Variants in ZNF227 observed in about 807,000 individuals in gnomAD.
The protein encoded by ZNF227 is zinc finger protein 227.
Under a neutral mutation model 13.2 loss-of-function variants are expected in ZNF227, and 12 were observed. The observed-to-expected ratio is 0.91, with a 90% CI of 0.58 to 1.47. ZNF227 has a LOEUF of 1.47. Among genes scored for constraint, ZNF227 ranks in the 40% most tolerant of loss-of-function variants. ZNF227 has a pLI of 0.00. For missense variants in ZNF227, 885 were observed against 967.5 expected, an observed-to-expected ratio of 0.91 and a Z score of 1.13; for synonymous variants, 338 against 326.0, an observed-to-expected ratio of 1.04 and a Z score of -0.40.
Position 44,217,862 on chromosome 19 carries a change from G to A in ZNF227, c.60+10G>A. ...AATGACCAAGTTTCAGGTACGTAAA[G>A]GATTCCTTGCTGTCTTTTAAAATGT... On this transcript the variant is annotated intron_variant, in intron 3 of 5. Transcript: ENST00000313040. 2 of 1,613,706 alleles carry A rather than the reference G, an allele frequency of 1.2e-6. No homozygotes were observed. The highest frequency in any genetic ancestry group is 1.7e-6 in the Non-Finnish European group (2 of 1,179,674).
upstream of ZNF227, among the ~76,000 whole-genome samples, chr19:44,210,413 C>T (rs1026901904): frequency 1.1e-4 from 16 of 152,042 alleles, no homozygotes; most frequent in Admixed American, 2.0e-4. Flanking sequence ...CTCCATTTTA[C>T]AAATGAAGAA....
At chr19:44,231,372 G>A (rs1452981325) in intron 5 of ZNF227, among the ~76,000 whole-genome samples, 2 of 151,768 alleles carry the variant, frequency 1.3e-5, no homozygotes, top group African/African-American at 4.8e-5. Context: ...TCCCAAAAGT[G>A]TCACCCAGGC....
rs761490811 is a variant in ZNF227 at position 44,236,851 on chromosome 19, A to G, written c.*21A>G. 1 of 1,534,950 alleles carries G rather than the reference A, an allele frequency of 6.5e-7. No homozygotes were observed. Among genetic ancestry groups the G allele is most frequent in the South Asian group, 1.3e-5 (1 of 77,202 alleles). ...TTTAGAAATGAGAAATGTGTTACCA[A>G]CTTTTGTCTGAATGCACATCTTCAA... is the stretch of plus-strand genomic sequence containing the variant. On this transcript the variant is annotated 3_prime_UTR_variant, in exon 6 of 6. Coordinates refer to ENST00000313040, the MANE Select transcript of ZNF227 (RefSeq NM_182490.3).
rs191320888 is a variant in ZNF227 at position 44,233,418 on chromosome 19, A to G, written c.272-1284A>G. On this transcript the variant is annotated intron_variant, in intron 5 of 5. Transcript: ENST00000313040. ...ACTTGGTTTCATGGTGCACTAATGC[A>G]TTGCAACAATTTGAAAACCCTTGTT... 3.3e-5 allele frequency among the ~76,000 whole-genome samples: 5 copies of G among 152,266 alleles called. No homozygotes were observed. In the East Asian group the frequency reaches 9.7e-4, roughly 29 times the overall value.
At chr19:44,209,081 A>G (rs954765204), upstream of ZNF227, among the ~76,000 whole-genome samples, 1 of 152,172 alleles carries the variant, frequency 6.6e-6, no homozygotes. Flanking sequence ...CCTTTAACCC[A>G]TAATCTCAGG....
At chr19:44,220,927 C>T (rs188474211) in intron 3 of ZNF227, among the ~76,000 whole-genome samples, 78 of 151,890 alleles carry the variant, frequency 5.1e-4, no homozygotes, top group African/African-American at 1.7e-3. Flanking sequence ...TTCGTCCTTG[C>T]GATAGTACTG....
chr19:44,210,814 A>C, upstream of ZNF227, among the ~76,000 whole-genome samples: 1 of 152,216 alleles, frequency 6.6e-6, no homozygotes, highest in Non-Finnish European at 1.5e-5. Flanking sequence ...AAAATAATCA[A>C]ATTTCCATCT....
Position 44,235,471 on chromosome 19 carries a change from T to A in ZNF227, c.1041T>A (p.Thr347=). ...TTATCATTCATTACAGAACTCATAC[T>A]GGAGAGAAACCCTATAAATGCGAGG... ...TGLIIHYRTH[T]GEKPYKCEEC... The change falls in exon 6 of 6, where the codon ACT becomes ACA. Residue 347 remains threonine (T), a synonymous_variant. Coordinates refer to ENST00000313040, the MANE Select transcript of ZNF227 (RefSeq NM_182490.3). 6.2e-7 allele frequency: 1 copy of A among 1,614,148 alleles called. No individual in the cohort carries two copies.
Position 44,232,716 on chromosome 19 carries a change from A to G in ZNF227, c.272-1986A>G, listed in dbSNP as rs541953349. Reference sequence around the variant, plus strand: ...GGAGTCATGCTCCGTCGTCCAGGCTAAAGTGCAGTGGTGCAATCTTGGCTC... The same window carrying G: ...GGAGTCATGCTCCGTCGTCCAGGCTGAAGTGCAGTGGTGCAATCTTGGCTC... On this transcript the variant is annotated intron_variant, in intron 5 of 5. Transcript: ENST00000313040. 6.6e-5 allele frequency among the ~76,000 whole-genome samples: 10 copies of G among 150,446 alleles called. No homozygotes were observed. The South Asian group carries it at 1.9e-3, about 29-fold the overall frequency.
intron 2 of ZNF227, among the ~76,000 whole-genome samples, chr19:44,214,788 C>CTT (rs59397656): frequency 8.4e-5 from 12 of 143,632 alleles, no homozygotes; most frequent in South Asian, 2.2e-4. Context: ...TTCCACCCCA[C>CTT]TTTTTTTTTT....
chr19:44,220,972 C>T (rs1483699394), intron 3 of ZNF227, among the ~76,000 whole-genome samples: 1 of 152,102 alleles, frequency 6.6e-6, no homozygotes, highest in African/African-American at 2.4e-5. Context: ...CATGTCCCTA[C>T]AAAGGACATG....
chr19:44,212,370 T>TG (rs1971420227), upstream of ZNF227, among the ~76,000 whole-genome samples: 2 of 101,432 alleles, frequency 2.0e-5, no homozygotes, highest in African/African-American at 7.7e-5. Context: ...CGCTCCGTTT[T>TG]TTTTTTTGTT....
rs1253079275 is a variant in ZNF227 at position 44,236,056 on chromosome 19, C to T, written c.1626C>T (p.His542=). The T allele has an allele frequency of 6.2e-7, 1 of 1,613,994 alleles. No individual in the cohort carries two copies. Among genetic ancestry groups the T allele is most frequent in the Non-Finnish European group, 8.5e-7 (1 of 1,180,028 alleles). Residue 542 remains histidine (H), a synonymous_variant, in exon 6 of 6, where the codon CAC becomes CAT. Transcript: ENST00000313040. ...AGCTTCAAACCCATCAGCGAGTCCA[C>T]ACTGGAGAGAAACCATATAGATGTG... The part of the protein sequence containing the change: ...SSKLQTHQRV[H]TGEKPYRCDV...
chr19:44,211,800 G>C (rs1971379723), upstream of ZNF227, among the ~76,000 whole-genome samples: 1 of 147,002 alleles, frequency 6.8e-6, no homozygotes, highest in South Asian at 2.1e-4. Context: ...AAACTTAAAG[G>C]GTTTCCTCTG....
At chr19:44,211,409 G>A (rs974788192), upstream of ZNF227, among the ~76,000 whole-genome samples, 9 of 152,196 alleles carry the variant, frequency 5.9e-5, no homozygotes, top group Non-Finnish European at 1.3e-4. Context: ...TAGTAGATAT[G>A]TGGATATTTT....
rs1973764611 is a variant in ZNF227 at position 44,230,951 on chromosome 19, A to ATCTATATCTATATATATATATATC, written c.271+1136_271+1137insCTATATCTATATATATATATATCT. Among the ~76,000 whole-genome samples, 19 of 132,704 alleles carry ATCTATATCTATATATATATATATC rather than the reference A, an allele frequency of 1.4e-4. 1 individual carries two copies. Among genetic ancestry groups the ATCTATATCTATATATATATATATC allele is most frequent in the African/African-American group, 5.7e-4 (18 of 31,534 alleles). 87.1% of individuals were successfully genotyped at this position (132,704 alleles called of 152,430 possible). On this transcript the variant is annotated intron_variant, in intron 5 of 5. Coordinates refer to ENST00000313040, the MANE Select transcript of ZNF227 (RefSeq NM_182490.3). The stretch of plus-strand genomic sequence containing the variant: ...AATATATATATATATATATATATAT[A>ATCTATATCTATATATATATATATC]TATCTTAGCCAGGCATGTTAGCATA...
chr19:44,213,253 T>C lies in ZNF227; in HGVS notation c.-3+9T>C, dbSNP rs747391086. On this transcript the variant is annotated intron_variant, in intron 2 of 5. Transcript: ENST00000313040. ...TCCCAGCATAGCCCCAGGTACCTGCTCTTGAACGCACTTTGTTGTTCCATT... is the reference window on the plus strand; with the variant it reads ...TCCCAGCATAGCCCCAGGTACCTGCCCTTGAACGCACTTTGTTGTTCCATT... 2 of 152,222 alleles carry C rather than the reference T, an allele frequency of 1.3e-5. No individual in the cohort carries two copies. Among genetic ancestry groups the C allele is most frequent in the Non-Finnish European group, 2.9e-5 (2 of 68,044 alleles). The allele number at this position is 152,222 out of a possible 1,614,324, so 9.4% of individuals were successfully genotyped here.
intron 3 of ZNF227, among the ~76,000 whole-genome samples, chr19:44,223,297 T>G (rs1278999334): frequency 6.6e-6 from 1 of 152,196 alleles, no homozygotes; most frequent in Non-Finnish European, 1.5e-5. Context: ...TTAGGGAGGA[T>G]TCCCTCTTTT....
chr19:44,217,944 G>T (rs1241121902), intron 3 of ZNF227, 92 bp downstream of exon 3: 2 of 1,450,526 alleles, frequency 1.4e-6, no homozygotes, highest in Admixed American at 3.5e-5. Context: ...AAGGTTAGTG[G>T]GAAACAGATA....
Sources: gnomAD v4.1 joint callset for allele counts (sites outside exome capture counted in the v4.1 genomes callset) on GRCh38, gnomAD v4.1.1 for gene constraint, MANE v1.5 for transcripts, NCBI Gene and HGNC (gene_info 2026-07-23, HGNC 2026-07-21) for gene names.